Variants in ABCD2 observed in about 807,000 individuals in gnomAD.
ABCD2 encodes the protein ATP binding cassette subfamily D member 2, also known as ATP-binding cassette sub-family D member 2.
A neutral mutation model predicts 70.9 loss-of-function variants in ABCD2; 36 were observed. That is an observed-to-expected ratio of 0.51 (90% CI 0.39 to 0.67). The LOEUF (loss-of-function observed/expected upper bound fraction) is 0.67, where lower values mean the gene tolerates loss of function less well. ABCD2 is among the 30% of genes least tolerant of loss of function. ABCD2 has a pLI of 0.00. For synonymous variants in ABCD2, 304 were observed against 306.9 expected, an observed-to-expected ratio of 0.99 and a Z score of 0.10; for missense variants, 729 against 890.2, an observed-to-expected ratio of 0.82 and a Z score of 2.30.
At chr12:39,608,887 C>T (rs1370676531) in intron 2 of ABCD2, among the ~76,000 whole-genome samples, 2 of 152,012 alleles carry the variant, frequency 1.3e-5, no homozygotes, top group Admixed American at 6.6e-5. Flanking sequence ...CATCCTTCAC[C>T]CTACGCTCCA....
At chr12:39,611,300 TA>T (rs558921587) in intron 2 of ABCD2, among the ~76,000 whole-genome samples, 104 of 152,204 alleles carry the variant, frequency 6.8e-4, no homozygotes, top group Non-Finnish European at 1.3e-3. Context: ...ATACAAGATA[TA>T]AGGCATAGGG....
At chr12:39,547,311 G>A (rs148609073), downstream of ABCD2, among the ~76,000 whole-genome samples, 2 of 152,120 alleles carry the variant, frequency 1.3e-5, no homozygotes, top group African/African-American at 4.8e-5. Flanking sequence ...TAAAAACTCA[G>A]CAATTCACTT....
At chr12:39,565,213 T>C (rs1051489940) in intron 9 of ABCD2, among the ~76,000 whole-genome samples, 32 of 152,250 alleles carry the variant, frequency 2.1e-4, no homozygotes, top group African/African-American at 6.5e-4. Flanking sequence ...TATAAATTAC[T>C]TTGGGCAGTA....
chr12:39,536,930 C>A, the ABCD2 span, among the ~76,000 whole-genome samples: 1 of 152,176 alleles, frequency 6.6e-6, no homozygotes, highest in African/African-American at 2.4e-5. Flanking sequence ...TGTCTCACAT[C>A]TTCATTGCCA....
intron 9 of ABCD2, among the ~76,000 whole-genome samples, chr12:39,558,980 A>T (rs2120538388): frequency 6.6e-6 from 1 of 152,320 alleles, no homozygotes; most frequent in East Asian, 1.9e-4. Context: ...GAAGAAAAAA[A>T]TATGTGAACT....
At position 39,618,948 on chromosome 12, in the gene ABCD2, T is replaced by G. The variant is rs1355541295; in HGVS notation, c.668A>C (p.His223Pro). The G allele has an allele frequency of 1.2e-6, 2 of 1,614,186 alleles. No individual in the cohort carries two copies. Among genetic ancestry groups the G allele is most frequent in the Non-Finnish European group, 1.7e-6 (2 of 1,180,026 alleles). Residue 223 changes from histidine (H) to proline (P), a missense_variant, in exon 1 of 10, where the codon CAC (histidine) becomes CCC (proline). Physicochemically the swap from His to Pro is moderately conservative, Grantham distance 77. This residue lies in a region of ABCD2 where 195 missense variants were observed against 300.2 expected (regional missense o/e 0.65). Coordinates refer to ENST00000308666, the MANE Select transcript of ABCD2 (RefSeq NM_005164.4). ...DIMMFSQSVA[H>P]LYSNLTKPIL... ...AGGTTTGGTCAGATTGGAATACAAGTGAGCCACAGATTGGGAGAACATCAT... is the reference window on the plus strand; with the variant it reads ...AGGTTTGGTCAGATTGGAATACAAGGGAGCCACAGATTGGGAGAACATCAT...
chr12:39,612,973 C>A lies in ABCD2; in HGVS notation c.1120+4015G>T, dbSNP rs530874413. Among the ~76,000 whole-genome samples, 4 of 152,250 alleles carry A rather than the reference C, an allele frequency of 2.6e-5. No individual in the cohort carries two copies. In the South Asian group the frequency reaches 8.3e-4, roughly 32 times the overall value. ...CTAGTAGCTTAGACACTCTTTTTTC[C>A]TGCCTGTTAGGTGTCTGTGATAAGA... On this transcript the variant is annotated intron_variant, in intron 2 of 9. Coordinates refer to ENST00000308666, the MANE Select transcript of ABCD2 (RefSeq NM_005164.4).
In ABCD2 at chr12:39,593,303, A is replaced by T. The variant is rs187402936; in HGVS notation, c.1647-7006T>A. Among the ~76,000 whole-genome samples the T allele has an allele frequency of 3.3e-4, 50 of 152,278 alleles. 1 individual carries two copies. Among genetic ancestry groups the T allele is most frequent in the Admixed American group, 8.5e-4 (13 of 15,288 alleles). ...CATCTCACTCTGTTGCCCAGGCCAG[A>T]GTGCAGTGGTGCAATCATGGCTCAC... On this transcript the variant is annotated intron_variant, in intron 6 of 9. Transcript: ENST00000308666.
chr12:39,565,334 A>C (rs949996565), intron 9 of ABCD2, among the ~76,000 whole-genome samples: 29 of 152,164 alleles, frequency 1.9e-4, no homozygotes, highest in African/African-American at 6.8e-4. Context: ...CACCTTGAAG[A>C]GGTCCTTCAC....
chr12:39,606,477 C>A (rs1941970765), intron 3 of ABCD2, among the ~76,000 whole-genome samples: 1 of 152,162 alleles, frequency 6.6e-6, no homozygotes, highest in Admixed American at 6.6e-5. Flanking sequence ...TAATTGTTAT[C>A]ATTTCTCTAA....
chr12:39,594,348 T>TATATA (rs10689935), intron 6 of ABCD2, among the ~76,000 whole-genome samples: 38,278 of 151,754 alleles, frequency 0.25, 7,211 homozygotes, highest in African/African-American at 0.54. Flanking sequence ...ATAAGAAACT[T>TATATA]ATATATGTAG....
At chr12:39,548,861 G>A (rs181367346), downstream of ABCD2, among the ~76,000 whole-genome samples, 118 of 151,886 alleles carry the variant, frequency 7.8e-4, no homozygotes, top group African/African-American at 2.8e-3. Flanking sequence ...AAACTCATAA[G>A]TGAATACTTA....
intron 3 of ABCD2, 46 bp from the exon 4 acceptor site, chr12:39,604,976 C>A (rs780134271): frequency 7.1e-7 from 1 of 1,413,092 alleles, no homozygotes; most frequent in South Asian, 1.6e-5. Flanking sequence ...ATATCCAAGA[C>A]AATATTTTAA....
At chr12:39,599,492 A>G (rs1247244073) in intron 6 of ABCD2, among the ~76,000 whole-genome samples, 1 of 152,240 alleles carries the variant, frequency 6.6e-6, no homozygotes, top group Non-Finnish European at 1.5e-5. Context: ...TGGTGTCACA[A>G]AATGTTATCT....
chr12:39,585,990 A>G (rs1178607150), intron 7 of ABCD2, among the ~76,000 whole-genome samples, 162 bp downstream of exon 7: 1 of 152,212 alleles, frequency 6.6e-6, no homozygotes, highest in East Asian at 1.9e-4. Flanking sequence ...AAGCAGAAAA[A>G]GAAATGTAAA....
chr12:39,571,709 T>C (rs1007685287), intron 9 of ABCD2, among the ~76,000 whole-genome samples: 2 of 152,226 alleles, frequency 1.3e-5, no homozygotes, highest in African/African-American at 2.4e-5. Context: ...TCATTTGAGA[T>C]AATCTTTAAA....
Position 39,607,701 on chromosome 12 carries a change from C to T in ABCD2, c.1134G>A (p.Lys378=). Residue 378 remains lysine, a synonymous_variant, in exon 3 of 10, where the codon AAG becomes AAA. Transcript: ENST00000308666. ...TGFADGEDGQ[K]QVMVSERTEA... ...CTGTCCGTTCACTAACCATAACTTG[C>T]TTTTGGCCATCCTCTAGATATAAAA... 6.2e-7 allele frequency: 1 copy of T among 1,602,112 alleles called. No homozygotes were observed. The highest frequency in any genetic ancestry group is 1.7e-5 in the Admixed American group (1 of 58,988).
chr12:39,598,307 C>A lies in ABCD2; in HGVS notation c.1646+2264G>T, dbSNP rs142981396. 6.6e-3 allele frequency among the ~76,000 whole-genome samples: 1,004 copies of A among 152,268 alleles called. 8 individuals carry two copies. The highest frequency in any genetic ancestry group is 0.023 in the African/African-American group (962 of 41,548). ...TGTCTTATGACTTGTGAATTTCATA[C>A]ATAAGTGTCAATTCTATATTGAAAT... is the stretch of plus-strand genomic sequence containing the variant. On this transcript the variant is annotated intron_variant, in intron 6 of 9. Transcript: ENST00000308666.
chr12:39,619,451 T>G lies in ABCD2; in HGVS notation c.165A>C (p.Ala55=). ...CTGTGTTCTCTGCAGCAGGGTAAGC[T>G]GCTGCTTTTTTCTTCCCGTGGCCAG... ...KQSGHGKKKA[A]AYPAAENTEI... is the part of the protein sequence containing the mutation. Residue 55 remains alanine, a synonymous_variant, in exon 1 of 10, where the codon GCA becomes GCC. Transcript: ENST00000308666. The G allele has an allele frequency of 1.2e-6, 2 of 1,614,114 alleles. No individual in the cohort carries two copies. The highest frequency in any genetic ancestry group is 1.7e-6 in the Non-Finnish European group (2 of 1,180,028).
Sources: allele counts gnomAD v4.1 joint callset (sites outside exome capture counted in the v4.1 genomes callset), GRCh38; gene constraint gnomAD v4.1.1; regional missense constraint gnomAD v4.1.1; transcripts MANE v1.5; gene names NCBI Gene and HGNC (gene_info 2026-07-23, HGNC 2026-07-21).